Variants in UHRF2 observed in about 807,000 individuals in gnomAD.
The protein encoded by UHRF2 is E3 ubiquitin-protein ligase UHRF2.
In UHRF2, 23 loss-of-function variants were observed where a neutral mutation model predicts 96.8. The observed-to-expected ratio is 0.24, with a 90% CI of 0.17 to 0.34. The LOEUF is 0.34. Among genes scored for constraint, UHRF2 ranks in the 10% least tolerant of loss-of-function variants. UHRF2 has a pLI of 1.00. For synonymous variants in UHRF2, 385 were observed against 332.6 expected (o/e 1.16, Z -1.72); for missense variants, 685 against 981.5 (o/e 0.70, Z 4.04).
chr9:6,440,833 T>C (rs941997941), intron 3 of UHRF2, among the ~76,000 whole-genome samples: 9 of 152,216 alleles, frequency 5.9e-5, no homozygotes, highest in Non-Finnish European at 1.0e-4. Flanking sequence ...AATCGGTGCA[T>C]GAGACCTCTC....
intron 3 of UHRF2, among the ~76,000 whole-genome samples, chr9:6,438,266 A>G (rs1426888096): frequency 2.0e-5 from 3 of 152,208 alleles, no homozygotes; most frequent in Non-Finnish European, 2.9e-5. Flanking sequence ...TAGCCAGTAA[A>G]CTAGCATTGG....
chr9:6,426,026 A>G (rs1820240189), intron 2 of UHRF2, among the ~76,000 whole-genome samples: 1 of 152,192 alleles, frequency 6.6e-6, no homozygotes, highest in African/African-American at 2.4e-5. Flanking sequence ...ATTTGCTTTC[A>G]AAGGAGGGCC....
At chr9:6,416,721 A>G (rs1157769537) in intron 1 of UHRF2, among the ~76,000 whole-genome samples, 7 of 150,776 alleles carry the variant, frequency 4.6e-5, no homozygotes, top group Non-Finnish European at 1.5e-5. Flanking sequence ...TTGTATTTTT[A>G]GTAGAGACGG....
rs543171483 is a variant in UHRF2 at position 6,490,094 on chromosome 9, A to T, written c.1497+3169A>T. On this transcript the variant is annotated intron_variant, in intron 9 of 15. Coordinates refer to ENST00000276893, the MANE Select transcript of UHRF2 (RefSeq NM_152896.3). ...AAGGCTTTATAAATAAACCAACTAG[A>T]AATGTAGTCTCTTTAACATTTGTTT... Among the ~76,000 whole-genome samples, 28 of 152,316 alleles carry T rather than the reference A, an allele frequency of 1.8e-4. No individual in the cohort carries two copies. The South Asian group carries it at 5.6e-3, about 30-fold the overall frequency.
chr9:6,463,766 T>C (rs981473869), intron 4 of UHRF2, among the ~76,000 whole-genome samples: 5 of 152,134 alleles, frequency 3.3e-5, no homozygotes, highest in Non-Finnish European at 5.9e-5. Context: ...CCACCGTGTC[T>C]GGAGAAAAAA....
intron 4 of UHRF2, among the ~76,000 whole-genome samples, chr9:6,464,565 C>G (rs1365798985): frequency 6.6e-6 from 1 of 151,928 alleles, no homozygotes; most frequent in Non-Finnish European, 1.5e-5. Flanking sequence ...CTTTAATTGA[C>G]TTGGAGTAGA....
At chr9:6,496,462 G>A (rs1168998278) in intron 10 of UHRF2, 1 of 152,190 alleles carries the variant, frequency 6.6e-6, no homozygotes, top group Non-Finnish European at 1.5e-5. Context: ...ACTATTAGGT[G>A]AATGCATATA....
intron 2 of UHRF2, among the ~76,000 whole-genome samples, chr9:6,421,739 G>T (rs945292994): frequency 6.6e-6 from 1 of 152,054 alleles, no homozygotes; most frequent in East Asian, 1.9e-4. Context: ...TTAAAGCCTC[G>T]TGTGTGTCCC....
intron 8 of UHRF2, among the ~76,000 whole-genome samples, chr9:6,485,875 T>G (rs1371276944): frequency 6.7e-6 from 1 of 149,478 alleles, no homozygotes; most frequent in African/African-American, 2.5e-5. Context: ...CTGCAATACC[T>G]TTTTCAGGGA....
chr9:6,454,736 G>A (rs1399529803), intron 3 of UHRF2, among the ~76,000 whole-genome samples: 1 of 152,176 alleles, frequency 6.6e-6, no homozygotes, highest in Non-Finnish European at 1.5e-5. Flanking sequence ...ACTCTTAGTT[G>A]GGTAACGGTT....
intron 2 of UHRF2, among the ~76,000 whole-genome samples, chr9:6,425,643 A>T (rs1382016514): frequency 6.6e-5 from 10 of 152,128 alleles, no homozygotes; most frequent in Non-Finnish European, 1.2e-4. Context: ...CATGCCTGTA[A>T]TCCCAGCTAC....
rs1816605498 is a variant in UHRF2, at chr9:6,506,782, AATG to A, written c.*605_*607del. 6.5e-6 allele frequency: 1 copy of A among 152,708 alleles called. No homozygotes were observed. The highest frequency in any genetic ancestry group is 6.5e-5 in the Admixed American group (1 of 15,284). 9.5% of individuals were successfully genotyped at this position (152,708 alleles called of 1,614,324 possible). ...ACTACTAATGACTAATGAGAACAAT[AATG>A]AATGCATTGTTGCTGCATTAGTGTA... On this transcript the variant is annotated 3_prime_UTR_variant, in exon 16 of 16. Transcript: ENST00000276893.
chr9:6,458,772 G>GT, intron 3 of UHRF2, among the ~76,000 whole-genome samples: 1 of 152,180 alleles, frequency 6.6e-6, no homozygotes, highest in Non-Finnish European at 1.5e-5. Context: ...GCACATGTAT[G>GT]TTTATTGCAG....
chr9:6,479,608 C>T (rs1304139056), intron 6 of UHRF2, among the ~76,000 whole-genome samples: 2 of 152,098 alleles, frequency 1.3e-5, no homozygotes, highest in Non-Finnish European at 2.9e-5. Context: ...TCTAATTTCC[C>T]CTGGGCTTTA....
rs150880672 is a variant in UHRF2 at position 6,442,157 on chromosome 9, G to A, written c.644+7984G>A. 2.8e-3 allele frequency among the ~76,000 whole-genome samples: 429 copies of A among 152,176 alleles called. 1 individual carries two copies. Among genetic ancestry groups the A allele is most frequent in the Non-Finnish European group, 3.4e-3 (232 of 67,998 alleles). ...TTTTGGTGTTTTTAATAGAGACAAG[G>A]TTTCACCATGTTGTCCAGGCTGGTC... On this transcript the variant is annotated intron_variant, in intron 3 of 15. Coordinates refer to ENST00000276893, the MANE Select transcript of UHRF2 (RefSeq NM_152896.3).
At chr9:6,467,373 CA>C (rs897726967) in intron 4 of UHRF2, among the ~76,000 whole-genome samples, 31 of 152,230 alleles carry the variant, frequency 2.0e-4, no homozygotes, top group African/African-American at 7.0e-4. Flanking sequence ...CTTCCCATTT[CA>C]AGGTTTTTTA....
intron 3 of UHRF2, among the ~76,000 whole-genome samples, chr9:6,458,454 AT>A (rs201101140): frequency 1.6e-3 from 220 of 141,544 alleles, no homozygotes; most frequent in South Asian, 8.9e-3. Flanking sequence ...TGGATTGTTG[AT>A]TTTTTTTTTT....
chr9:6,483,670 A>G (rs1824067530), intron 8 of UHRF2, among the ~76,000 whole-genome samples: 1 of 152,138 alleles, frequency 6.6e-6, no homozygotes, highest in Non-Finnish European at 1.5e-5. Context: ...TATTTTAAAA[A>G]CGCGCCCTAC....
rs760538932 is a variant in UHRF2, at chr9:6,486,812, GT to G, written c.1393-5del. 2.7e-5 allele frequency: 44 copies of G among 1,613,522 alleles called. No homozygotes were observed. Among genetic ancestry groups the G allele is most frequent in the Non-Finnish European group, 3.6e-5 (42 of 1,179,692 alleles). ...AGGTATTTTGAGACTCTCTTTAATTGTTTTATAGGTGAGCGAAGCAGGTGTT... is the reference window on the plus strand; with the variant it reads ...AGGTATTTTGAGACTCTCTTTAATTGTTTATAGGTGAGCGAAGCAGGTGTT... On this transcript the variant is annotated splice_polypyrimidine_tract_variant and splice_region_variant and intron_variant, in intron 8 of 15. Transcript: ENST00000276893.
Sources: allele counts gnomAD v4.1 joint callset (sites outside exome capture counted in the v4.1 genomes callset), GRCh38; gene constraint gnomAD v4.1.1; transcripts MANE v1.5; gene names NCBI Gene and HGNC (gene_info 2026-07-23, HGNC 2026-07-21).